PCDHGB2: variants seen among roughly 807,000 people sequenced by gnomAD.
The protein encoded by PCDHGB2 is protocadherin gamma subfamily B, 2.
Under a neutral mutation model 59.3 loss-of-function variants are expected in PCDHGB2, and 55 were observed. The ratio of observed to expected loss-of-function variants is 0.93; its 90% CI spans 0.75 to 1.16. The LOEUF is 1.16. Among genes scored for constraint, PCDHGB2 ranks in the 50% most tolerant of loss-of-function variants. The probability of loss-of-function intolerance (pLI) is 0.00; values close to 1 mark genes in which losing one functional copy is unlikely to be tolerated. For missense variants in PCDHGB2, 1,228 were observed against 1,198.5 expected (o/e 1.02, Z -0.36); for synonymous variants, 516 against 512.0 (o/e 1.01, Z -0.11).
At chr5:141,506,993 C>T (rs781663602) in intron 3 of PCDHGB2, 18 of 152,184 alleles carry the variant, frequency 1.2e-4, no homozygotes, top group Non-Finnish European at 1.8e-4. Context: ...TTCTCACACT[C>T]GACAGATGAG....
At chr5:141,376,160 C>G in intron 1 of PCDHGB2, 1 of 1,614,010 alleles carries the variant, frequency 6.2e-7, no homozygotes, top group South Asian at 1.1e-5. Context: ...CACTCTGTAC[C>G]TGGTGGTGGC....
intron 1 of PCDHGB2, chr5:141,418,890 G>A (rs1449142412): frequency 1.9e-6 from 3 of 1,613,934 alleles, no homozygotes; most frequent in Non-Finnish European, 2.5e-6. Flanking sequence ...AACGACAACA[G>A]CCCAGAAATA....
At chr5:141,475,987 C>A in intron 1 of PCDHGB2, 2 of 1,101,540 alleles carry the variant, frequency 1.8e-6, no homozygotes, top group Non-Finnish European at 2.6e-6. Flanking sequence ...AGCCGGCGAG[C>A]AAATCAACGG....
chr5:141,432,094 C>G lies in PCDHGB2; in HGVS notation c.2422-62713C>G. On this transcript the variant is annotated intron_variant, in intron 1 of 3. Transcript: ENST00000522605. This position sits in a 1 kb window ranked among gnomAD's most constrained non-coding sequence, Gnocchi z 6.0. ...ATATCTCGCTGAACGTGGCAGACAC[C>G]AACGACAACCCGCCGGTCTTCCCTC... The G allele has an allele frequency of 6.2e-7, 1 of 1,614,178 alleles. No homozygotes were observed. The highest frequency in any genetic ancestry group is 8.5e-7 in the Non-Finnish European group (1 of 1,180,046).
intron 2 of PCDHGB2, among the ~76,000 whole-genome samples, chr5:141,502,686 C>T (rs2099815631): frequency 6.6e-6 from 1 of 152,136 alleles, no homozygotes; most frequent in Admixed American, 6.5e-5. Flanking sequence ...CCCTGATGAT[C>T]CTTGCCTGTA....
At chr5:141,434,128 G>A (rs1267483739) in intron 1 of PCDHGB2, among the ~76,000 whole-genome samples, 1 of 152,138 alleles carries the variant, frequency 6.6e-6, no homozygotes, top group Non-Finnish European at 1.5e-5. Flanking sequence ...ACTCCCTTTA[G>A]GCTGATTTCT....
intron 1 of PCDHGB2, chr5:141,409,124 G>T: frequency 6.2e-7 from 1 of 1,613,940 alleles, no homozygotes. Context: ...CCAGTCATTT[G>T]ATTTTGAAGA....
At chr5:141,374,922 C>T in intron 1 of PCDHGB2, 2 of 1,613,928 alleles carry the variant, frequency 1.2e-6, no homozygotes, top group Non-Finnish European at 1.7e-6. Context: ...GTAACTTATT[C>T]CTTTGTGAAG....
intron 1 of PCDHGB2, among the ~76,000 whole-genome samples, chr5:141,444,152 ATTTTTTTTTTTTTTTTTTTTTT>A (rs747671382): frequency 8.9e-5 from 3 of 33,882 alleles, no homozygotes; most frequent in East Asian, 1.0e-3. Flanking sequence ...TGTGTACTGG[ATTTTTTTTTTTTTTTTTTTTTT>A]TTTTTTTTTT....
Position 141,489,880 on chromosome 5 carries a change from G to A in PCDHGB2, c.2422-4927G>A. On this transcript the variant is annotated intron_variant, in intron 1 of 3. Transcript: ENST00000522605. The surrounding 1 kb of genome is among the most constrained non-coding windows in gnomAD (Gnocchi z 4.5). Reference sequence around the variant, plus strand: ...GGCAAGACATCAGCTGGTGCTTACTGCTGTGGATGGGGGGACCCCAGCCCG... The same window carrying A: ...GGCAAGACATCAGCTGGTGCTTACTACTGTGGATGGGGGGACCCCAGCCCG... 2 of 1,614,230 alleles carry A rather than the reference G, an allele frequency of 1.2e-6. No individual in the cohort carries two copies. The highest frequency in any genetic ancestry group is 1.7e-6 in the Non-Finnish European group (2 of 1,180,026).
At chr5:141,430,384 A>G (rs547268242) in intron 1 of PCDHGB2, among the ~76,000 whole-genome samples, 32 of 122,116 alleles carry the variant, frequency 2.6e-4, no homozygotes, top group East Asian at 6.6e-4. Context: ...GCTCATTGGG[A>G]AAAAAAAAAA....
At chr5:141,400,654 C>A in intron 1 of PCDHGB2, 1 of 1,142,176 alleles carries the variant, frequency 8.8e-7, no homozygotes, top group Non-Finnish European at 1.3e-6. Context: ...AGCTGTCCTA[C>A]CATTCTTTAA....
At chr5:141,453,544 C>T (rs540372287) in intron 1 of PCDHGB2, among the ~76,000 whole-genome samples, 12 of 152,310 alleles carry the variant, frequency 7.9e-5, no homozygotes, top group African/African-American at 2.9e-4. Flanking sequence ...ATTCACACCA[C>T]ACTCTGTAGA....
intron 1 of PCDHGB2, chr5:141,410,302 A>C: frequency 1.2e-6 from 2 of 1,613,356 alleles, no homozygotes; most frequent in Non-Finnish European, 1.7e-6. Flanking sequence ...CCTTAATCTC[A>C]GTGCTCTTCC....
Position 141,490,140 on chromosome 5 carries a change from G to T in PCDHGB2, c.2422-4667G>T. On this transcript the variant is annotated intron_variant, in intron 1 of 3. Transcript: ENST00000522605. This position sits in a 1 kb window ranked among gnomAD's most constrained non-coding sequence, Gnocchi z 5.4. Reference sequence around the variant, plus strand: ...TCTTTGGCCTAGACCCTAGCAGTGGGGCAATCCATGTGTTGGGTCCCATAG... The same window carrying T: ...TCTTTGGCCTAGACCCTAGCAGTGGTGCAATCCATGTGTTGGGTCCCATAG... 1 of 1,614,206 alleles carries T rather than the reference G, an allele frequency of 6.2e-7. No homozygotes were observed. The highest frequency in any genetic ancestry group is 8.5e-7 in the Non-Finnish European group (1 of 1,180,026).
At chr5:141,376,448 G>T (rs771215693) in intron 1 of PCDHGB2, 1 of 1,614,174 alleles carries the variant, frequency 6.2e-7, no homozygotes, top group Non-Finnish European at 8.5e-7. Flanking sequence ...TGAGAAAAGC[G>T]AGCCTCTTCT....
Position 141,490,398 on chromosome 5 carries a change from C to A in PCDHGB2, c.2422-4409C>A. 1 of 1,614,168 alleles carries A rather than the reference C, an allele frequency of 6.2e-7. No homozygotes were observed. Among genetic ancestry groups the A allele is most frequent in the South Asian group, 1.1e-5 (1 of 91,088 alleles). On this transcript the variant is annotated intron_variant, in intron 1 of 3. Coordinates refer to ENST00000522605, the MANE Select transcript of PCDHGB2 (RefSeq NM_018923.3). This position sits in a 1 kb window ranked among gnomAD's most constrained non-coding sequence, Gnocchi z 5.4. ...ACTCAGGTAGAAATGGTGAAGTGAG[C>A]CTTGATATCTCTCCGGACCTGCCAT...
rs185786686 is a variant in PCDHGB2 at position 141,384,098 on chromosome 5, A to G, written c.2421+21542A>G. 9.4e-3 allele frequency: 14,953 copies of G among 1,596,884 alleles called. 110 individuals carry two copies. The highest frequency in any genetic ancestry group is 0.01 in the Non-Finnish European group (12,057 of 1,171,020). On this transcript the variant is annotated intron_variant, in intron 1 of 3. Transcript: ENST00000522605. ...TTTAAATTAGAAAAATCAATAGATA[A>G]TTATTATAGATTGGTCACAACCAAA... is the stretch of plus-strand genomic sequence containing the variant.
chr5:141,428,495 T>C (rs1023405537), intron 1 of PCDHGB2: 3 of 295,346 alleles, frequency 1.0e-5, no homozygotes, highest in African/African-American at 6.5e-5. Flanking sequence ...AATCTGTATG[T>C]TCCCTCGGAT....
Sources: allele counts gnomAD v4.1 joint callset (sites outside exome capture counted in the v4.1 genomes callset), GRCh38; gene constraint gnomAD v4.1.1; non-coding constraint Gnocchi (gnomAD v3.1); transcripts MANE v1.5; gene names NCBI Gene and HGNC (gene_info 2026-07-23, HGNC 2026-07-21).